KCNMA1: variants seen among roughly 807,000 people sequenced by gnomAD.
KCNMA1 encodes the protein potassium calcium-activated channel subfamily M alpha 1.
In KCNMA1, 29 loss-of-function variants were observed where a neutral mutation model predicts 140.0. The ratio of observed to expected loss-of-function variants is 0.21; its 90% CI spans 0.15 to 0.28. The LOEUF is 0.28. KCNMA1 is among the 10% of genes least tolerant of loss of function. The pLI, the probability that KCNMA1 is intolerant of heterozygous loss-of-function variation, is 1.00. For missense variants in KCNMA1, 880 were observed against 1,602.2 expected (o/e 0.55, Z 7.70); for synonymous variants, 612 against 611.9 (o/e 1.00, Z 0.00).
At chr10:77,060,445 T>A (rs868606914) in intron 14 of KCNMA1, among the ~76,000 whole-genome samples, 1 of 152,214 alleles carries the variant, frequency 6.6e-6, no homozygotes, top group Middle Eastern at 3.2e-3. Flanking sequence ...ATAGCCATTA[T>A]CCTATGGCTG....
intron 20 of KCNMA1, among the ~76,000 whole-genome samples, chr10:76,956,898 G>A (rs940421862): frequency 7.9e-5 from 12 of 151,918 alleles, no homozygotes; most frequent in Non-Finnish European, 1.3e-4. Flanking sequence ...CAAGGTGGGC[G>A]GATCATGAGG....
chr10:77,098,225 T>C (rs79801047), intron 9 of KCNMA1, among the ~76,000 whole-genome samples: 2,533 of 152,258 alleles, frequency 0.017, 110 homozygotes, highest in East Asian at 0.15. Flanking sequence ...GCCGGGGACA[T>C]TGGTAGATTT....
At chr10:77,338,704 AG>A (rs1246394207) in intron 2 of KCNMA1, among the ~76,000 whole-genome samples, 1 of 152,210 alleles carries the variant, frequency 6.6e-6, no homozygotes, top group Admixed American at 6.5e-5. Flanking sequence ...TCATCTGGGC[AG>A]GTTGGATCTC....
chr10:77,563,595 G>A (rs2067124574), intron 1 of KCNMA1, among the ~76,000 whole-genome samples: 1 of 151,876 alleles, frequency 6.6e-6, no homozygotes, highest in African/African-American at 2.4e-5. Context: ...CCTCCATCCT[G>A]CTATTCCCAG....
chr10:77,379,171 C>T (rs903572765), intron 2 of KCNMA1, among the ~76,000 whole-genome samples: 5 of 152,174 alleles, frequency 3.3e-5, no homozygotes, highest in Non-Finnish European at 5.9e-5. Flanking sequence ...CAAATAGCAA[C>T]TTCTTGATAC....
At chr10:76,940,900 G>T (rs1241201723) in intron 23 of KCNMA1, among the ~76,000 whole-genome samples, 1 of 150,554 alleles carries the variant, frequency 6.6e-6, no homozygotes, top group Non-Finnish European at 1.5e-5. Context: ...GGTGGAGGTT[G>T]CAGTGAGCTG....
rs536549802 is a variant in KCNMA1, at chr10:77,365,896, C to T, written c.540+37966G>A. On this transcript the variant is annotated intron_variant, in intron 2 of 27. Transcript: ENST00000286628. ...TTCTATAATCTTAACCTCCCAGGGTCTCAGTTATACTACCTGCAAGATGGG... is the reference window on the plus strand; with the variant it reads ...TTCTATAATCTTAACCTCCCAGGGTTTCAGTTATACTACCTGCAAGATGGG... Among the ~76,000 whole-genome samples, 12 of 152,278 alleles carry T rather than the reference C, an allele frequency of 7.9e-5. No individual in the cohort carries two copies. The South Asian group carries it at 2.5e-3, about 32-fold the overall frequency.
chr10:77,164,676 T>C (rs1027817596), intron 5 of KCNMA1, among the ~76,000 whole-genome samples: 2 of 152,178 alleles, frequency 1.3e-5, no homozygotes, highest in African/African-American at 2.4e-5. Context: ...TTTGCACCCA[T>C]GGATCATTTG....
intron 25 of KCNMA1, among the ~76,000 whole-genome samples, chr10:76,897,090 T>C (rs2042902379): frequency 6.6e-6 from 1 of 150,896 alleles, no homozygotes; most frequent in Non-Finnish European, 1.5e-5. Flanking sequence ...CTAAGCTAAA[T>C]AGAGAAAGAT....
chr10:77,357,927 A>G (rs1329732119), intron 2 of KCNMA1, among the ~76,000 whole-genome samples: 1 of 152,348 alleles, frequency 6.6e-6, no homozygotes, highest in Non-Finnish European at 1.5e-5. Flanking sequence ...GATGAAGTGG[A>G]CTGGGGGTCT....
intron 21 of KCNMA1, 129 bp downstream of exon 21, chr10:76,953,672 T>C: frequency 9.0e-7 from 1 of 1,113,136 alleles, no homozygotes; most frequent in Non-Finnish European, 1.4e-6. Flanking sequence ...ATGCTCAGAA[T>C]TTCACTCATC....
chr10:76,972,356 A>G (rs928797008), intron 19 of KCNMA1, among the ~76,000 whole-genome samples: 2 of 152,240 alleles, frequency 1.3e-5, no homozygotes, highest in African/African-American at 4.8e-5. Context: ...CAGTTACACA[A>G]TGAATCTAGA....
chr10:77,561,403 C>CTT (rs1451595678), intron 1 of KCNMA1, among the ~76,000 whole-genome samples: 1 of 152,196 alleles, frequency 6.6e-6, no homozygotes, highest in Non-Finnish European at 1.5e-5. Context: ...CTCATCCCCA[C>CTT]TTTGCGGATT....
intron 5 of KCNMA1, among the ~76,000 whole-genome samples, chr10:77,160,165 A>C (rs2098539730): frequency 6.6e-6 from 1 of 152,128 alleles, no homozygotes; most frequent in East Asian, 1.9e-4. Flanking sequence ...GTCCTGCCCC[A>C]GAGTAAATCC....
intron 2 of KCNMA1, among the ~76,000 whole-genome samples, chr10:77,345,313 A>C (rs1410535985): frequency 6.6e-6 from 1 of 152,166 alleles, no homozygotes; most frequent in Non-Finnish European, 1.5e-5. Context: ...TCTCCATAGA[A>C]TCGGTCCCAA....
chr10:77,483,182 G>A (rs373062959), intron 1 of KCNMA1, among the ~76,000 whole-genome samples: 15 of 152,224 alleles, frequency 9.9e-5, no homozygotes, highest in East Asian at 5.8e-4. Context: ...AGCAGCCCAC[G>A]GAGATTTCTG....
intron 23 of KCNMA1, among the ~76,000 whole-genome samples, chr10:76,916,663 G>A (rs2053061580): frequency 6.6e-6 from 1 of 152,096 alleles, no homozygotes; most frequent in Non-Finnish European, 1.5e-5. Context: ...AATTTCCAAG[G>A]ATAAAACTCC....
At chr10:77,185,481 T>A (rs1298412753) in intron 3 of KCNMA1, among the ~76,000 whole-genome samples, 1 of 152,140 alleles carries the variant, frequency 6.6e-6, no homozygotes, top group Non-Finnish European at 1.5e-5. Context: ...GGTGAGGTTC[T>A]GGCTAGATTA....
chr10:77,277,517 G>T (rs1228520176), intron 2 of KCNMA1, among the ~76,000 whole-genome samples: 2 of 152,092 alleles, frequency 1.3e-5, no homozygotes, highest in Non-Finnish European at 2.9e-5. Flanking sequence ...AAGCTGGGAC[G>T]GACCACAGCA....
Sources: allele counts gnomAD v4.1 joint callset (sites outside exome capture counted in the v4.1 genomes callset), GRCh38; gene constraint gnomAD v4.1.1; transcripts MANE v1.5; gene names NCBI Gene and HGNC (gene_info 2026-07-23, HGNC 2026-07-21).